Variants in KYAT1 observed in about 807,000 individuals in gnomAD.
KYAT1 encodes the protein kynurenine aminotransferase 1, also known as kynurenine--oxoglutarate transaminase 1.
Under a neutral mutation model 52.4 loss-of-function variants are expected in KYAT1, and 47 were observed. The ratio of observed to expected loss-of-function variants is 0.90; its 90% CI spans 0.71 to 1.14. The LOEUF (loss-of-function observed/expected upper bound fraction) is 1.14, where lower values mean the gene tolerates loss of function less well. KYAT1 is among the 50% of genes most tolerant of loss of function. The probability of loss-of-function intolerance (pLI) is 0.00; values close to 1 mark genes in which losing one functional copy is unlikely to be tolerated. For missense variants in KYAT1, 480 were observed against 557.9 expected (o/e 0.86, Z 1.41); for synonymous variants, 212 against 209.6 (o/e 1.01, Z -0.10).
At chr9:128,864,981 G>T (rs1836005467) in intron 1 of KYAT1, among the ~76,000 whole-genome samples, 1 of 151,602 alleles carries the variant, frequency 6.6e-6, no homozygotes, top group Non-Finnish European at 1.5e-5. Flanking sequence ...GCTTATGCCT[G>T]CAAGAGAGGC....
chr9:128,838,429 T>A (rs1319590492), intron 3 of KYAT1, 62 bp from the exon 4 acceptor site: 32 of 1,601,520 alleles, frequency 2.0e-5, no homozygotes, highest in Non-Finnish European at 2.7e-5. Flanking sequence ...GGCCCAGCTG[T>A]ATCCAGGCAA....
At chr9:128,843,168 AAAAAAACAAAAAC>A (rs1019779536) in intron 2 of KYAT1, among the ~76,000 whole-genome samples, 26 of 152,254 alleles carry the variant, frequency 1.7e-4, no homozygotes, top group African/African-American at 5.5e-4. Context: ...ATTCTGTCTT[AAAAAAACAAAAAC>A]AAAAAACAAA....
At chr9:128,844,524 CAAA>C (rs879595477) in intron 2 of KYAT1, among the ~76,000 whole-genome samples, 2 of 118,584 alleles carry the variant, frequency 1.7e-5, no homozygotes, top group African/African-American at 3.2e-5. Context: ...ACTAAAAATA[CAAA>C]AAAAAAAAAA....
intron 1 of KYAT1, among the ~76,000 whole-genome samples, chr9:128,871,133 A>G (rs191883573): frequency 2.8e-4 from 43 of 152,192 alleles, no homozygotes; most frequent in African/African-American, 1.0e-3. Flanking sequence ...CCTGGGCAAC[A>G]TGGTGAAATC....
chr9:128,871,644 C>T (rs1360129246), intron 1 of KYAT1, among the ~76,000 whole-genome samples: 1 of 151,182 alleles, frequency 6.6e-6, no homozygotes, highest in Non-Finnish European at 1.5e-5. Context: ...CCCAGGCAGT[C>T]GAGGCAGCAG....
At chr9:128,864,356 ACT>A (rs2130711706) in intron 1 of KYAT1, among the ~76,000 whole-genome samples, 2 of 118,936 alleles carry the variant, frequency 1.7e-5, no homozygotes, top group South Asian at 5.8e-4. Context: ...ACAGAGCGAG[ACT>A]CTGTCTCAAA....
intron 1 of KYAT1, among the ~76,000 whole-genome samples, chr9:128,874,477 ATT>A (rs201177365): frequency 2.1e-5 from 3 of 139,778 alleles, no homozygotes; most frequent in Admixed American, 7.2e-5. Context: ...ATGCTCAGCT[ATT>A]TTTTTTTTTT....
intron 1 of KYAT1, among the ~76,000 whole-genome samples, chr9:128,847,992 G>A (rs1317949207): frequency 6.6e-6 from 1 of 152,182 alleles, no homozygotes; most frequent in Non-Finnish European, 1.5e-5. Flanking sequence ...TACAGGGACA[G>A]AAGAACATGT....
chr9:128,877,457 G>T (rs1469787732), intron 1 of KYAT1, among the ~76,000 whole-genome samples: 1 of 152,224 alleles, frequency 6.6e-6, no homozygotes, highest in Non-Finnish European at 1.5e-5. Flanking sequence ...TTGCTCAAAA[G>T]GAGAACAAGG....
chr9:128,847,371 G>A (rs1235868874), intron 1 of KYAT1: 13 of 1,155,916 alleles, frequency 1.1e-5, no homozygotes, highest in Admixed American at 4.4e-5. Context: ...AGCCAGGAAC[G>A]AGCCAGACCC....
At chr9:128,880,427 C>T (rs2130878256) in intron 1 of KYAT1, among the ~76,000 whole-genome samples, 1 of 151,764 alleles carries the variant, frequency 6.6e-6, no homozygotes, top group East Asian at 1.9e-4. Context: ...ATTCCAGCTT[C>T]TCCACTTCCT....
intron 7 of KYAT1, 37 bp downstream of exon 7, chr9:128,836,765 A>G (rs1318303576): frequency 6.2e-7 from 1 of 1,604,846 alleles, no homozygotes; most frequent in Non-Finnish European, 8.5e-7. Context: ...CCTCCCACCA[A>G]TGTGCAGGGG....
In KYAT1 at chr9:128,865,328, TATATATATATATATATA is replaced by T. The variant is rs1836102743; in HGVS notation, c.-7+16552_-7+16568del. ...GCCTACATATATATATATATATATA[TATATATATATATATATA>T]TATATATATATATATTTTTTTTTTT... On this transcript the variant is annotated intron_variant, in intron 1 of 12. Transcript: ENST00000302586. Among the ~76,000 whole-genome samples, 5 of 36,642 alleles carry T rather than the reference TATATATATATATATATA, an allele frequency of 1.4e-4. 1 individual carries two copies. Among genetic ancestry groups the T allele is most frequent in the East Asian group, 6.2e-4 (1 of 1,612 alleles). 24.0% of individuals were successfully genotyped at this position (36,642 alleles called of 152,430 possible).
intron 1 of KYAT1, among the ~76,000 whole-genome samples, chr9:128,869,969 G>C (rs562359569): frequency 3.2e-4 from 48 of 152,112 alleles, no homozygotes; most frequent in Admixed American, 8.5e-4. Flanking sequence ...GGCCAGGCTG[G>C]TCTTGAAATC....
chr9:128,855,152 C>T (rs187571661), intron 1 of KYAT1, among the ~76,000 whole-genome samples: 46 of 152,198 alleles, frequency 3.0e-4, no homozygotes, highest in African/African-American at 9.9e-4. Flanking sequence ...GGTGGTATTA[C>T]AAAACAATAA....
rs201788280 is a variant in KYAT1, at chr9:128,874,722, CTT to C, written c.-7+7173_-7+7174del. On this transcript the variant is annotated intron_variant, in intron 1 of 12. Coordinates refer to ENST00000302586, the MANE Select transcript of KYAT1 (RefSeq NM_004059.5). ...ACATTTTGTGGTGAGATAATCCTGC[CTT>C]TTTTTTTTTTTTTTTTTTGAGACGG... Among the ~76,000 whole-genome samples, 36 of 123,672 alleles carry C rather than the reference CTT, an allele frequency of 2.9e-4. No homozygotes were observed. The East Asian group carries it at 6.9e-3, about 24-fold the overall frequency. The allele number at this position is 123,672 out of a possible 152,430, so 81.1% of individuals were successfully genotyped here. A position where few individuals can be genotyped will look rare whatever the true frequency, so the allele number is the denominator to read the frequency against.
rs75692348 is a variant in KYAT1 at position 128,833,795 on chromosome 9, T to C, written c.1154A>G (p.Tyr385Cys). The change falls in exon 12 of 13, where the codon TAT becomes TGT. Residue 385 changes from tyrosine to cysteine, a missense_variant. Tyr to Cys is a radical substitution (Grantham distance 194, BLOSUM62 -2). Coordinates refer to ENST00000302586, the MANE Select transcript of KYAT1 (RefSeq NM_004059.5). ...GLVAIPVSIF[Y>C]SVPHQKHFDH... ...AAAGTGCTTCTGATGTGGCACACTATAGAAGATGGAGACAGGGATGGCCAC... is the reference window on the plus strand; with the variant it reads ...AAAGTGCTTCTGATGTGGCACACTACAGAAGATGGAGACAGGGATGGCCAC... The C allele has an allele frequency of 4.0e-5, 64 of 1,614,184 alleles. No individual in the cohort carries two copies. In the African/African-American group the frequency reaches 6.5e-4, roughly 16 times the overall value.
chr9:128,848,709 T>C (rs1833475610), intron 1 of KYAT1, among the ~76,000 whole-genome samples: 1 of 149,716 alleles, frequency 6.7e-6, no homozygotes, highest in African/African-American at 2.5e-5. Flanking sequence ...TCCCAGTTAC[T>C]GGGAGGCTGA....
chr9:128,857,792 C>T (rs1391088158), intron 1 of KYAT1, among the ~76,000 whole-genome samples: 2 of 152,102 alleles, frequency 1.3e-5, no homozygotes, highest in African/African-American at 2.4e-5. Context: ...GCAGAGATCA[C>T]GCCACTGCAC....
Sources: gnomAD v4.1 joint callset for allele counts (sites outside exome capture counted in the v4.1 genomes callset) on GRCh38, gnomAD v4.1.1 for gene constraint, MANE v1.5 for transcripts, NCBI Gene and HGNC (gene_info 2026-07-23, HGNC 2026-07-21) for gene names.